Variants in SCAF11 observed in about 807,000 individuals in gnomAD.
The protein encoded by SCAF11 is protein SCAF11.
SCAF11 carries 47 observed loss-of-function variants against 140.5 expected under a neutral mutation model. The ratio of observed to expected loss-of-function variants is 0.33; its 90% CI spans 0.26 to 0.43. SCAF11 has a LOEUF of 0.43. Ranked by LOEUF, SCAF11 falls within the 20% of genes least tolerant of loss-of-function variation. SCAF11 has a pLI of 1.00. For missense variants in SCAF11, 1,645 were observed against 1,705.1 expected, an observed-to-expected ratio of 0.96 and a Z score of 0.62; for synonymous variants, 557 against 579.4, an observed-to-expected ratio of 0.96 and a Z score of 0.55.
At chr12:45,982,435 A>ACT (rs1946368692) in intron 1 of SCAF11, among the ~76,000 whole-genome samples, 3 of 152,192 alleles carry the variant, frequency 2.0e-5, no homozygotes, top group African/African-American at 7.2e-5. Flanking sequence ...GGCCGGGTAC[A>ACT]GTGGCTCATG....
chr12:45,982,104 A>G (rs1946363014), intron 1 of SCAF11, among the ~76,000 whole-genome samples: 1 of 152,160 alleles, frequency 6.6e-6, no homozygotes, highest in Non-Finnish European at 1.5e-5. Context: ...TTCAGTTTTA[A>G]TTATATCTAG....
In SCAF11 at chr12:45,934,459, T is replaced by G; in HGVS notation, c.510A>C (p.Ile170=). The change falls in exon 7 of 15, where the codon ATA becomes ATC. Residue 170 remains isoleucine, a synonymous_variant. Transcript: ENST00000369367. ...GGTTTCAACAAACCTTATTTATCTT[T>G]ATTGCTGCATTTTTCTTTCCTCCTG... The part of the protein sequence containing the change: ...SETGGKKNAA[I]KINKPQRSNW... The G allele has an allele frequency of 1.3e-6, 2 of 1,595,656 alleles. No homozygotes were observed. Among genetic ancestry groups the G allele is most frequent in the Non-Finnish European group, 1.7e-6 (2 of 1,174,026 alleles).
At chr12:45,991,832 G>T (rs898617488), upstream of SCAF11, 3 of 1,232,078 alleles carry the variant, frequency 2.4e-6, no homozygotes. Flanking sequence ...CCACGCCCTT[G>T]TCCTGCTTGC....
intron 1 of SCAF11, among the ~76,000 whole-genome samples, chr12:45,970,337 G>A (rs1946044837): frequency 6.6e-6 from 1 of 152,184 alleles, no homozygotes; most frequent in Non-Finnish European, 1.5e-5. Flanking sequence ...CAGCCTTCTA[G>A]TGATATTTTG....
chr12:45,952,084 T>C (rs1945564403), intron 3 of SCAF11, among the ~76,000 whole-genome samples: 1 of 152,056 alleles, frequency 6.6e-6, no homozygotes. Context: ...CTCCGAAAGG[T>C]TCCTCACAAA....
At chr12:45,933,106 T>C in intron 9 of SCAF11, 25 bp downstream of exon 9, 1 of 1,478,424 alleles carries the variant, frequency 6.8e-7, no homozygotes, top group Non-Finnish European at 9.4e-7. Flanking sequence ...TGTAAACACC[T>C]GAGTAAATAA....
chr12:45,983,420 T>C (rs1462368481), intron 1 of SCAF11, among the ~76,000 whole-genome samples: 2 of 152,158 alleles, frequency 1.3e-5, no homozygotes, highest in East Asian at 3.8e-4. Context: ...TACTACGTAA[T>C]GAACTACACA....
In SCAF11 at chr12:45,928,829, T is replaced by C. The variant is rs1163411594; in HGVS notation, c.872A>G (p.His291Arg). ...GTSCKGYALA[H>R]TQEGEEKKQT... ...CTTCTTTTCTTCCCCTTCTTGAGTATGTGCTAATGCATATCCCTTGCAAGA... is the reference window on the plus strand; with the variant it reads ...CTTCTTTTCTTCCCCTTCTTGAGTACGTGCTAATGCATATCCCTTGCAAGA... The change falls in exon 11 of 15, where the codon CAT (histidine) becomes CGT (arginine). Residue 291 changes from histidine (H) to arginine (R), a missense_variant. Physicochemically the swap from His to Arg is conservative, Grantham distance 29. Coordinates refer to ENST00000369367, the MANE Select transcript of SCAF11 (RefSeq NM_004719.3). 6.2e-7 allele frequency: 1 copy of C among 1,611,238 alleles called. No homozygotes were observed. Among genetic ancestry groups the C allele is most frequent in the East Asian group, 2.2e-5 (1 of 44,854 alleles).
At chr12:45,952,842 CAA>C (rs1945583162) in intron 3 of SCAF11, among the ~76,000 whole-genome samples, 1 of 152,116 alleles carries the variant, frequency 6.6e-6, no homozygotes, top group South Asian at 2.1e-4. Context: ...TCTCAAAGAG[CAA>C]AGATAGTAAT....
Position 45,923,021 on chromosome 12 carries a change from TTGC to T in SCAF11, c.4037_4039del (p.Ser1346del), listed in dbSNP as rs1220373820. On this transcript the variant is annotated inframe_deletion, in exon 13 of 15. Transcript: ENST00000369367. ...CAATTTTACAGCAGCATTAGAGGCT[TTGC>T]TGTGACTTGATGACGAAGTATTACC... The T allele has an allele frequency of 6.8e-6, 11 of 1,614,186 alleles. No individual in the cohort carries two copies. Among genetic ancestry groups the T allele is most frequent in the Non-Finnish European group, 8.5e-6 (10 of 1,180,014 alleles).
chr12:45,967,323 C>T (rs1264782629), intron 1 of SCAF11, among the ~76,000 whole-genome samples: 1 of 152,160 alleles, frequency 6.6e-6, no homozygotes, highest in Admixed American at 6.6e-5. Context: ...AAACCTCAAT[C>T]AAGTTACACA....
Position 45,926,157 on chromosome 12 carries a change from C to T in SCAF11, c.3544G>A (p.Glu1182Lys). Residue 1182 changes from glutamate (E) to lysine (K), a missense_variant, in exon 11 of 15, where the codon GAA (glutamate) becomes AAA (lysine). Coordinates refer to ENST00000369367, the MANE Select transcript of SCAF11 (RefSeq NM_004719.3). ...PQSGWMKQEEETSGQDSSLKD... is the reference protein window; with the variant it reads ...PQSGWMKQEEKTSGQDSSLKD... ...AATACATTACCCTGTCCAGATGTTT[C>T]CTCCTCTTGTTTCATCCATCCAGAC... 3.7e-6 allele frequency: 6 copies of T among 1,611,382 alleles called. No homozygotes were observed. Among genetic ancestry groups the T allele is most frequent in the Non-Finnish European group, 3.4e-6 (4 of 1,178,276 alleles).
intron 6 of SCAF11, among the ~76,000 whole-genome samples, chr12:45,940,582 C>A (rs1467340580): frequency 6.6e-6 from 1 of 152,186 alleles, no homozygotes; most frequent in Non-Finnish European, 1.5e-5. Flanking sequence ...AAAGACTTTA[C>A]AAAATGATGT....
chr12:45,973,077 A>G (rs1946150781), intron 1 of SCAF11, among the ~76,000 whole-genome samples: 1 of 148,616 alleles, frequency 6.7e-6, no homozygotes, highest in African/African-American at 2.5e-5. Context: ...AATACTTTTG[A>G]AACAAATGGA....
chr12:45,960,311 G>C (rs1945795797), intron 3 of SCAF11: 1 of 152,074 alleles, frequency 6.6e-6, no homozygotes, highest in South Asian at 2.1e-4. Flanking sequence ...TTAAGTTGTT[G>C]AAATTCACAA....
chr12:45,970,236 T>C (rs1946043041), intron 1 of SCAF11, among the ~76,000 whole-genome samples: 1 of 152,130 alleles, frequency 6.6e-6, no homozygotes, highest in African/African-American at 2.4e-5. Context: ...CTCACTCTGT[T>C]GCCCAGGCTG....
At chr12:45,939,629 C>T (rs758420974) in intron 6 of SCAF11, among the ~76,000 whole-genome samples, 5 of 152,260 alleles carry the variant, frequency 3.3e-5, no homozygotes, top group East Asian at 1.9e-4. Flanking sequence ...ACCCAGGAGG[C>T]GGAGGTTGCA....
At position 45,928,609 on chromosome 12, in the gene SCAF11, T is replaced by G; in HGVS notation, c.1092A>C (p.Ser364=). The change falls in exon 11 of 15, where the codon TCA becomes TCC. Residue 364 remains serine (S), a synonymous_variant. Coordinates refer to ENST00000369367, the MANE Select transcript of SCAF11 (RefSeq NM_004719.3). ...PSLSVPSSAE[S]EKQTRQAPKR... is the part of the protein sequence containing the mutation. ...TTGGAGCCTGTCTTGTTTGCTTTTC[T>G]GACTCAGCTGAAGAGGGAACACTTA... The G allele has an allele frequency of 6.2e-7, 1 of 1,614,158 alleles. No individual in the cohort carries two copies. Among genetic ancestry groups the G allele is most frequent in the Non-Finnish European group, 8.5e-7 (1 of 1,180,004 alleles).
At chr12:45,986,809 G>A (rs1247226158) in intron 1 of SCAF11, among the ~76,000 whole-genome samples, 1 of 152,050 alleles carries the variant, frequency 6.6e-6, no homozygotes. Flanking sequence ...TTCCGCTTTT[G>A]CATCTTCCTC....
Sources: allele counts gnomAD v4.1 joint callset (sites outside exome capture counted in the v4.1 genomes callset), GRCh38; gene constraint gnomAD v4.1.1; transcripts MANE v1.5; gene names NCBI Gene and HGNC (gene_info 2026-07-23, HGNC 2026-07-21).